Variants in NTF3 observed in about 807,000 individuals in gnomAD.
The protein encoded by NTF3 is neurotrophin-3.
A neutral mutation model predicts 26.3 loss-of-function variants in NTF3; 8 were observed. The observed-to-expected ratio is 0.30, with a 90% CI of 0.18 to 0.55. The LOEUF is 0.55. NTF3 is among the 20% of genes least tolerant of loss of function. NTF3 has a pLI of 0.93. For missense variants in NTF3, 276 were observed against 352.9 expected, an observed-to-expected ratio of 0.78 and a Z score of 1.75; for synonymous variants, 154 against 145.5, an observed-to-expected ratio of 1.06 and a Z score of -0.42.
At chr12:5,493,014 CT>C (rs1377306749) in intron 1 of NTF3, among the ~76,000 whole-genome samples, 3 of 152,194 alleles carry the variant, frequency 2.0e-5, no homozygotes, top group African/African-American at 7.2e-5. Flanking sequence ...ATGTACCCCC[CT>C]GGGAGCCAGT....
intron 1 of NTF3, among the ~76,000 whole-genome samples, chr12:5,467,724 T>A (rs187493027): frequency 7.2e-5 from 11 of 152,192 alleles, no homozygotes; most frequent in African/African-American, 2.6e-4. Flanking sequence ...AAGCTGAGAG[T>A]TCCTCTGAAT....
At chr12:5,437,911 A>G (rs970687919) in intron 1 of NTF3, among the ~76,000 whole-genome samples, 4 of 152,170 alleles carry the variant, frequency 2.6e-5, no homozygotes, top group African/African-American at 9.7e-5. Context: ...ACGTGAGCGT[A>G]GGAGATGCCC....
chr12:5,495,074 A>G lies in NTF3; in HGVS notation c.*86A>G. ...ATAAATGTTTATATTGTTTTTATATATTATAAGTTGACCTTTATTTATTAA... is the reference window on the plus strand; with the variant it reads ...ATAAATGTTTATATTGTTTTTATATGTTATAAGTTGACCTTTATTTATTAA... On this transcript the variant is annotated 3_prime_UTR_variant, in exon 2 of 2. Transcript: ENST00000423158. The G allele has an allele frequency of 7.3e-7, 1 of 1,361,528 alleles. No individual in the cohort carries two copies. The highest frequency in any genetic ancestry group is 2.5e-5 in the East Asian group (1 of 39,816). 84.3% of individuals were successfully genotyped at this position (1,361,528 alleles called of 1,614,324 possible).
chr12:5,451,177 T>G (rs1176328749), intron 1 of NTF3, among the ~76,000 whole-genome samples: 1 of 152,190 alleles, frequency 6.6e-6, no homozygotes, highest in Non-Finnish European at 1.5e-5. Flanking sequence ...GGGGATAATA[T>G]AATGAACTAC....
At chr12:5,452,300 C>T (rs1483030181) in intron 1 of NTF3, among the ~76,000 whole-genome samples, 2 of 151,428 alleles carry the variant, frequency 1.3e-5, no homozygotes, top group Non-Finnish European at 2.9e-5. Context: ...TTCACCATGT[C>T]AGCCCAGGAA....
intron 1 of NTF3, among the ~76,000 whole-genome samples, chr12:5,443,156 TG>T (rs550296215): frequency 1.5e-4 from 23 of 152,310 alleles, no homozygotes; most frequent in African/African-American, 5.5e-4. Context: ...CTCAGGAACC[TG>T]GAGGGCCTGA....
intron 1 of NTF3, among the ~76,000 whole-genome samples, chr12:5,458,707 G>A (rs749987078): frequency 2.0e-5 from 3 of 152,164 alleles, no homozygotes; most frequent in Admixed American, 1.3e-4. Flanking sequence ...CCCATGCCAC[G>A]CAACCAGGCA....
intron 1 of NTF3, among the ~76,000 whole-genome samples, chr12:5,445,777 G>T (rs948251758): frequency 2.0e-5 from 3 of 152,172 alleles, no homozygotes; most frequent in African/African-American, 7.2e-5. Flanking sequence ...CTGCCTTTTG[G>T]CGGCTTTGCC....
chr12:5,483,180 T>G lies in NTF3; in HGVS notation c.19-11014T>G, dbSNP rs144069193. Among the ~76,000 whole-genome samples the G allele has an allele frequency of 1.7e-3, 257 of 151,910 alleles. 1 individual carries two copies. The highest frequency in any genetic ancestry group is 5.7e-3 in the African/African-American group (237 of 41,454). The stretch of plus-strand genomic sequence containing the variant: ...CTGTATCTCTATCTCTTTCTCTCTC[T>G]CCCAGTCTCTCTCTTTCTATCTCTC... On this transcript the variant is annotated intron_variant, in intron 1 of 1. Transcript: ENST00000423158.
At chr12:5,458,888 C>T (rs1218754012) in intron 1 of NTF3, among the ~76,000 whole-genome samples, 3 of 152,134 alleles carry the variant, frequency 2.0e-5, no homozygotes, top group Non-Finnish European at 4.4e-5. Context: ...CACACGTGCA[C>T]ACGCACACTG....
In NTF3 at chr12:5,438,766, C is replaced by T. The variant is rs188285637; in HGVS notation, c.18+6424C>T. ...GGGCTCTGTCACTAATTAGCTGCTA[C>T]TGTGTGACCCTGGACATTCTCTGTA... On this transcript the variant is annotated intron_variant, in intron 1 of 1. Transcript: ENST00000423158. Among the ~76,000 whole-genome samples, 10 of 152,308 alleles carry T rather than the reference C, an allele frequency of 6.6e-5. No individual in the cohort carries two copies. In the East Asian group the frequency reaches 1.9e-3, roughly 29 times the overall value.
intron 1 of NTF3, among the ~76,000 whole-genome samples, chr12:5,452,891 C>T (rs1267143423): frequency 6.6e-6 from 1 of 152,172 alleles, no homozygotes; most frequent in African/African-American, 2.4e-5. Context: ...TACTCCCCAC[C>T]CCGACCTTAC....
intron 1 of NTF3, among the ~76,000 whole-genome samples, chr12:5,468,072 C>T (rs1009073142): frequency 6.6e-6 from 1 of 152,148 alleles, no homozygotes; most frequent in Non-Finnish European, 1.5e-5. Context: ...AAACAAATTC[C>T]CCAGGTCCTT....
intron 1 of NTF3, among the ~76,000 whole-genome samples, chr12:5,434,670 C>T (rs1484915271): frequency 6.6e-6 from 1 of 152,030 alleles, no homozygotes; most frequent in Non-Finnish European, 1.5e-5. Context: ...TGAAGGGTGT[C>T]AGAGCAGGAG....
At chr12:5,440,054 G>C (rs775301138) in intron 1 of NTF3, among the ~76,000 whole-genome samples, 1 of 152,122 alleles carries the variant, frequency 6.6e-6, no homozygotes, top group Non-Finnish European at 1.5e-5. Context: ...AGCCAAACAG[G>C]TTCTTGGGGT....
At chr12:5,487,405 G>C (rs79211558) in intron 1 of NTF3, among the ~76,000 whole-genome samples, 1 of 152,172 alleles carries the variant, frequency 6.6e-6, no homozygotes, top group Non-Finnish European at 1.5e-5. Flanking sequence ...CTTTCTTTTG[G>C]GGTATAGGTT....
intron 1 of NTF3, among the ~76,000 whole-genome samples, chr12:5,443,841 G>A (rs1031990127): frequency 7.9e-5 from 12 of 152,030 alleles, no homozygotes; most frequent in Non-Finnish European, 1.3e-4. Flanking sequence ...GCCTTTTGAT[G>A]TGTGTGTGTG....
intron 1 of NTF3, among the ~76,000 whole-genome samples, chr12:5,447,530 A>G (rs990076638): frequency 6.6e-6 from 1 of 152,224 alleles, no homozygotes; most frequent in African/African-American, 2.4e-5. Flanking sequence ...TATTTCTGTC[A>G]ATCACTGTAC....
chr12:5,489,388 G>GGA (rs1413859639), intron 1 of NTF3, among the ~76,000 whole-genome samples: 1 of 152,190 alleles, frequency 6.6e-6, no homozygotes, highest in Non-Finnish European at 1.5e-5. Context: ...AAGGACAGAC[G>GGA]GAGAGGCAGC....
Sources: gnomAD v4.1 joint callset for allele counts (sites outside exome capture counted in the v4.1 genomes callset) on GRCh38, gnomAD v4.1.1 for gene constraint, MANE v1.5 for transcripts, NCBI Gene and HGNC (gene_info 2026-07-23, HGNC 2026-07-21) for gene names.